The following SNTG2 variants were observed in gnomAD, a reference collection of about 807,000 sequenced individuals.
SNTG2 encodes syntrophin gamma 2, also known as gamma-2-syntrophin.
A neutral mutation model predicts 70.9 loss-of-function variants in SNTG2; 74 were observed. The ratio of observed to expected loss-of-function variants is 1.04; its 90% CI spans 0.86 to 1.27. SNTG2 has a LOEUF of 1.27. SNTG2 is among the 50% of genes most tolerant of loss of function. The pLI is 0.00. For missense variants in SNTG2, 717 were observed against 690.7 expected, an observed-to-expected ratio of 1.04 and a Z score of -0.43; for synonymous variants, 278 against 273.8, an observed-to-expected ratio of 1.02 and a Z score of -0.15.
intron 6 of SNTG2, among the ~76,000 whole-genome samples, chr2:1,142,535 C>CA (rs1430657121): frequency 1.3e-5 from 2 of 152,158 alleles, no homozygotes; most frequent in Non-Finnish European, 2.9e-5. Context: ...GTAGATTCAG[C>CA]AAGGGAGCAG....
At chr2:991,737 G>A (rs938397145) in intron 1 of SNTG2, among the ~76,000 whole-genome samples, 1 of 152,176 alleles carries the variant, frequency 6.6e-6, no homozygotes, top group African/African-American at 2.4e-5. Context: ...AGCTGGTTCA[G>A]GTTTCCCAGG....
chr2:986,961 G>A lies in SNTG2; in HGVS notation c.72+35893G>A, dbSNP rs116981394. Among the ~76,000 whole-genome samples the A allele has an allele frequency of 5.8e-3, 876 of 152,282 alleles. 26 individuals carry two copies. The East Asian group carries it at 0.069, about 12-fold the overall frequency. On this transcript the variant is annotated intron_variant, in intron 1 of 16. Coordinates refer to ENST00000308624, the MANE Select transcript of SNTG2 (RefSeq NM_018968.4). ...TATTTTATATTTGAGTAACACATTC[G>A]ATTATCGTTATATATGTTTTTACAA...
At chr2:1,071,388 A>C (rs542196710) in intron 1 of SNTG2, among the ~76,000 whole-genome samples, 89 of 149,994 alleles carry the variant, frequency 5.9e-4, no homozygotes, top group African/African-American at 1.9e-3. Context: ...ATTCTCAGTA[A>C]ACTATCGCAA....
At chr2:1,296,820 G>A (rs991702276) in intron 14 of SNTG2, among the ~76,000 whole-genome samples, 2 of 152,192 alleles carry the variant, frequency 1.3e-5, no homozygotes, top group African/African-American at 4.8e-5. Flanking sequence ...TGATATTAAC[G>A]ACAGTCTTGC....
chr2:1,109,368 A>T (rs1270779986), intron 4 of SNTG2, among the ~76,000 whole-genome samples: 3 of 152,124 alleles, frequency 2.0e-5, no homozygotes, highest in Admixed American at 6.5e-5. Flanking sequence ...CAGAGAAAGG[A>T]TGATGAAAAC....
intron 1 of SNTG2, among the ~76,000 whole-genome samples, chr2:965,800 G>C (rs1401692281): frequency 6.6e-6 from 1 of 152,116 alleles, no homozygotes; most frequent in Admixed American, 6.5e-5. Flanking sequence ...GACCTGTATG[G>C]GGGTGGCTGA....
At chr2:988,049 T>C (rs1661383415) in intron 1 of SNTG2, among the ~76,000 whole-genome samples, 1 of 152,206 alleles carries the variant, frequency 6.6e-6, no homozygotes, top group Non-Finnish European at 1.5e-5. Flanking sequence ...CATCACCTCA[T>C]GGGGAGCCTC....
chr2:1,255,911 T>TATATATAA (rs1174046945), intron 12 of SNTG2, among the ~76,000 whole-genome samples: 16 of 65,772 alleles, frequency 2.4e-4, no homozygotes, highest in Middle Eastern at 9.1e-3. Flanking sequence ...TATATAAATA[T>TATATATAA]ATATATAAAT....
chr2:1,073,409 A>G (rs1479783827), intron 1 of SNTG2, among the ~76,000 whole-genome samples: 1 of 152,272 alleles, frequency 6.6e-6, no homozygotes, highest in Admixed American at 6.5e-5. Context: ...CAACCCAGCC[A>G]AGGCTCAGAT....
Position 1,243,816 on chromosome 2 carries a change from A to G in SNTG2, c.889-3511A>G, listed in dbSNP as rs1436039071. On this transcript the variant is annotated intron_variant, in intron 11 of 16. Transcript: ENST00000308624. Reference sequence around the variant, plus strand: ...GCCGAGGTGGGCAGATCAGGAGGCCAGGAGTTGAAGACCGGACTGGCCAAC... The same window carrying G: ...GCCGAGGTGGGCAGATCAGGAGGCCGGGAGTTGAAGACCGGACTGGCCAAC... Among the ~76,000 whole-genome samples, 3 of 152,394 alleles carry G rather than the reference A, an allele frequency of 2.0e-5. No individual in the cohort carries two copies. In the East Asian group the frequency reaches 5.8e-4, roughly 29 times the overall value.
rs1677833865 is a variant in SNTG2 at position 1,252,635 on chromosome 2, T to C, written c.1005+5192T>C. The stretch of plus-strand genomic sequence containing the variant: ...CTGCCTGGTTACAGGTGGAATAATC[T>C]ATAAAATCAGTACTGAGGCCTATTA... On this transcript the variant is annotated intron_variant, in intron 12 of 16. Coordinates refer to ENST00000308624, the MANE Select transcript of SNTG2 (RefSeq NM_018968.4). Among the ~76,000 whole-genome samples the C allele has an allele frequency of 2.0e-5, 3 of 152,180 alleles. No individual in the cohort carries two copies. In the South Asian group the frequency reaches 6.2e-4, roughly 32 times the overall value.
chr2:1,300,809 ATTTTG>A (rs1364223896), intron 14 of SNTG2, among the ~76,000 whole-genome samples: 2 of 152,152 alleles, frequency 1.3e-5, no homozygotes, highest in South Asian at 2.1e-4. Context: ...TTAATACCAC[ATTTTG>A]TTTTATCACA....
At chr2:1,125,755 G>A (rs1383145336) in intron 4 of SNTG2, among the ~76,000 whole-genome samples, 1 of 152,064 alleles carries the variant, frequency 6.6e-6, no homozygotes, top group Non-Finnish European at 1.5e-5. Flanking sequence ...GGGGCAAAAA[G>A]TAACACATTA....
intron 1 of SNTG2, among the ~76,000 whole-genome samples, chr2:982,105 C>G (rs60926928): frequency 0.076 from 11,640 of 152,338 alleles, 666 homozygotes; most frequent in South Asian, 0.2. Flanking sequence ...CTGCTAATCT[C>G]TTTTAACAGC....
intron 1 of SNTG2, among the ~76,000 whole-genome samples, chr2:992,061 C>T (rs1396173180): frequency 6.6e-6 from 1 of 152,092 alleles, no homozygotes; most frequent in Non-Finnish European, 1.5e-5. Context: ...ACCCAGCATG[C>T]ACCTGCAGCA....
At chr2:962,120 A>T (rs1472407659) in intron 1 of SNTG2, among the ~76,000 whole-genome samples, 1 of 152,208 alleles carries the variant, frequency 6.6e-6, no homozygotes, top group Non-Finnish European at 1.5e-5. Context: ...GCTGGAGTGC[A>T]GTGGCATGAT....
At chr2:1,239,088 C>T (rs1228649883) in intron 10 of SNTG2, among the ~76,000 whole-genome samples, 1 of 152,190 alleles carries the variant, frequency 6.6e-6, no homozygotes. Context: ...CCAAAGTTAT[C>T]TCAATAAATA....
chr2:1,348,543 A>G (rs1250614549), intron 16 of SNTG2, among the ~76,000 whole-genome samples: 1 of 152,248 alleles, frequency 6.6e-6, no homozygotes, highest in Non-Finnish European at 1.5e-5. Flanking sequence ...CCAATTGTCA[A>G]CAAGAAAATT....
At chr2:1,164,389 C>T (rs1169508246) in intron 6 of SNTG2, among the ~76,000 whole-genome samples, 1 of 118,888 alleles carries the variant, frequency 8.4e-6, no homozygotes, top group African/African-American at 3.4e-5. Flanking sequence ...GAGGAGAGGG[C>T]GAGGTGGGAT....
Sources: allele counts gnomAD v4.1 joint callset (sites outside exome capture counted in the v4.1 genomes callset), GRCh38; gene constraint gnomAD v4.1.1; transcripts MANE v1.5; gene names NCBI Gene and HGNC (gene_info 2026-07-23, HGNC 2026-07-21).